RAF1: variants seen among roughly 807,000 people sequenced by gnomAD.
RAF1 encodes the protein RAF proto-oncogene serine/threonine-protein kinase.
RAF1 carries 27 observed loss-of-function variants against 81.1 expected under a neutral mutation model. The observed-to-expected ratio is 0.33, with a 90% CI of 0.25 to 0.46. RAF1 has a LOEUF of 0.46. RAF1 is among the 20% of genes least tolerant of loss of function. The probability of loss-of-function intolerance (pLI) is 1.00; values close to 1 mark genes in which losing one functional copy is unlikely to be tolerated. For synonymous variants in RAF1, 298 were observed against 294.0 expected, an observed-to-expected ratio of 1.01 and a Z score of -0.14; for missense variants, 598 against 826.0, an observed-to-expected ratio of 0.72 and a Z score of 3.38.
chr3:12,594,741 C>T (rs546586482), intron 11 of RAF1, among the ~76,000 whole-genome samples: 1 of 152,172 alleles, frequency 6.6e-6, no homozygotes, highest in African/African-American at 2.4e-5. Flanking sequence ...GAACTCTTCT[C>T]GCTTTTCTAA....
chr3:12,609,182 T>C (rs749222141), intron 4 of RAF1, 51 bp downstream of exon 4: 2 of 1,369,424 alleles, frequency 1.5e-6, no homozygotes, highest in Non-Finnish European at 2.1e-6. Flanking sequence ...ATCTCTGTTA[T>C]GCCTGGCAAA....
intron 1 of RAF1, among the ~76,000 whole-genome samples, chr3:12,631,664 AC>A (rs1368793692): frequency 6.6e-6 from 1 of 152,222 alleles, no homozygotes; most frequent in Non-Finnish European, 1.5e-5. Flanking sequence ...ATTGCACCTA[AC>A]ACAGAGTAAA....
At chr3:12,601,452 T>G (rs1252946182) in intron 8 of RAF1, among the ~76,000 whole-genome samples, 2 of 152,146 alleles carry the variant, frequency 1.3e-5, no homozygotes, top group Non-Finnish European at 2.9e-5. Flanking sequence ...GAGGGCTCTA[T>G]GAGACCTAAA....
At chr3:12,625,740 T>C (rs2059683169) in intron 1 of RAF1, among the ~76,000 whole-genome samples, 1 of 152,142 alleles carries the variant, frequency 6.6e-6, no homozygotes, top group Non-Finnish European at 1.5e-5. Flanking sequence ...CAGGATTTCC[T>C]GAGGCCAGGA....
chr3:12,621,034 C>T (rs954167286), intron 1 of RAF1, among the ~76,000 whole-genome samples: 3 of 152,074 alleles, frequency 2.0e-5, no homozygotes, highest in Non-Finnish European at 4.4e-5. Flanking sequence ...TAAGGAATCC[C>T]ATCTTTTCAA....
In RAF1 at chr3:12,584,296, C is replaced by G; in HGVS notation, c.*218G>C. ...GAGCATGGGGAATGTGGGGAGGGAG[C>G]AGGACACACCAGCACTGCAAATGGC... On this transcript the variant is annotated 3_prime_UTR_variant, in exon 18 of 18. Transcript: ENST00000442415. 4 of 592,152 alleles carry G rather than the reference C, an allele frequency of 6.8e-6. No homozygotes were observed. The highest frequency in any genetic ancestry group is 1.2e-5 in the Non-Finnish European group (4 of 332,444). 36.7% of individuals were successfully genotyped at this position (592,152 alleles called of 1,614,324 possible). A position where few individuals can be genotyped will look rare whatever the true frequency, so the allele number is the denominator to read the frequency against.
intron 1 of RAF1, among the ~76,000 whole-genome samples, chr3:12,631,018 C>CTTA (rs1350171588): frequency 3.3e-5 from 5 of 152,176 alleles, no homozygotes; most frequent in Non-Finnish European, 5.9e-5. Context: ...GTTGGCCAGG[C>CTTA]TTAAATCTTA....
chr3:12,584,732 T>C (rs921284300), intron 17 of RAF1, 75 bp from the exon 17 acceptor site: 26 of 1,613,152 alleles, frequency 1.6e-5, no homozygotes, highest in Non-Finnish European at 2.2e-5. Flanking sequence ...CCCACCATCT[T>C]GTAGAGGACC....
chr3:12,586,287 G>A (rs2058330395), intron 14 of RAF1, among the ~76,000 whole-genome samples: 1 of 152,170 alleles, frequency 6.6e-6, no homozygotes, highest in African/African-American at 2.4e-5. Flanking sequence ...AGTGTTCAAT[G>A]TTGTAGTAAG....
At chr3:12,612,187 AC>A in intron 2 of RAF1, 125 bp from the exon 3 acceptor site, 1 of 745,502 alleles carries the variant, frequency 1.3e-6, no homozygotes, top group South Asian at 1.4e-5. Context: ...CATATACGAA[AC>A]AACCTGAATG....
At chr3:12,653,830 T>C (rs1378512531) in intron 1 of RAF1, among the ~76,000 whole-genome samples, 1 of 151,860 alleles carries the variant, frequency 6.6e-6, no homozygotes, top group African/African-American at 2.4e-5. Flanking sequence ...ATGGGTCCCA[T>C]ATGAAGTACC....
At chr3:12,617,394 C>T (rs899788225) in intron 2 of RAF1, among the ~76,000 whole-genome samples, 1 of 152,020 alleles carries the variant, frequency 6.6e-6, no homozygotes, top group Non-Finnish European at 1.5e-5. Context: ...GGATTACAGG[C>T]GTAAGCCACT....
chr3:12,653,597 T>C (rs966309162), intron 1 of RAF1, among the ~76,000 whole-genome samples: 2 of 151,894 alleles, frequency 1.3e-5, no homozygotes, highest in African/African-American at 2.4e-5. Flanking sequence ...ATATAAACAT[T>C]AGCCGGTTGT....
In RAF1 at chr3:12,590,940, C is replaced by G. The variant is rs2125343521; in HGVS notation, c.1288G>C (p.Gly430Arg). The change falls in exon 13 of 18, where the codon GGG (glycine) becomes CGG (arginine). Residue 430 changes from glycine to arginine, a missense_variant. By Grantham distance (125) the Gly-to-Arg change is moderately radical (BLOSUM62 -2). Transcript: ENST00000442415. ...GCCAGGTTGTCCTTTGTCATGTACC[C>G]CATGAAAAGCAGAATGTTCACATGC... The G allele has an allele frequency of 6.2e-7, 1 of 1,612,590 alleles. No homozygotes were observed.
chr3:12,595,332 A>G (rs1014246955), intron 11 of RAF1, among the ~76,000 whole-genome samples: 1 of 152,116 alleles, frequency 6.6e-6, no homozygotes, highest in East Asian at 1.9e-4. Context: ...TCAGCCTCCT[A>G]AAGTGTTGGG....
chr3:12,605,284 A>G (rs143404260), intron 6 of RAF1, among the ~76,000 whole-genome samples: 51 of 65,108 alleles, frequency 7.8e-4, no homozygotes, highest in East Asian at 3.7e-3. Context: ...GTGTGTGTGT[A>G]TACATAATAT....
rs780748573 is a variant in RAF1, at chr3:12,618,499, T to C, written c.207+16A>G. The C allele has an allele frequency of 3.7e-6, 6 of 1,613,656 alleles. No homozygotes were observed. Among genetic ancestry groups the C allele is most frequent in the Non-Finnish European group, 4.2e-6 (5 of 1,179,726 alleles). ...CAGATAAATAGCTAAATTTCCTAAG[T>C]AGAATGTTCACATACCACTGTTCTT... On this transcript the variant is annotated intron_variant, in intron 2 of 17. Transcript: ENST00000442415.
Position 12,601,795 on chromosome 3 carries a change from T to C in RAF1, c.895-1380A>G, listed in dbSNP as rs141384464. ...AAACTAGCTAGTCTTCAGAATTACC[T>C]GGAGAGTGATTCTGACTCTGGAAAG... On this transcript the variant is annotated intron_variant, in intron 8 of 17. Coordinates refer to ENST00000442415, the MANE Select transcript of RAF1 (RefSeq NM_001354689.3). Among the ~76,000 whole-genome samples the C allele has an allele frequency of 2.9e-3, 435 of 152,276 alleles. 2 individuals are homozygous for C. The highest frequency in any genetic ancestry group is 9.9e-3 in the African/African-American group (412 of 41,550).
At chr3:12,630,465 G>A (rs1346771499) in intron 1 of RAF1, among the ~76,000 whole-genome samples, 1 of 152,118 alleles carries the variant, frequency 6.6e-6, no homozygotes, top group Admixed American at 6.6e-5. Flanking sequence ...CATGATAGTG[G>A]GTGATAAGTG....
Sources: gnomAD v4.1 joint callset for allele counts (sites outside exome capture counted in the v4.1 genomes callset) on GRCh38, gnomAD v4.1.1 for gene constraint, MANE v1.5 for transcripts, NCBI Gene and HGNC (gene_info 2026-07-23, HGNC 2026-07-21) for gene names.